The following PRKN variants were observed in gnomAD, a reference collection of about 807,000 sequenced individuals.
PRKN encodes the protein E3 ubiquitin-protein ligase parkin.
A neutral mutation model predicts 59.5 loss-of-function variants in PRKN; 56 were observed. The observed-to-expected ratio is 0.94, with a 90% CI of 0.76 to 1.18. PRKN has a LOEUF of 1.18. PRKN is among the 50% of genes most tolerant of loss of function. PRKN has a pLI of 0.00. For synonymous variants in PRKN, 250 were observed against 222.1 expected (o/e 1.13, Z -1.12); for missense variants, 657 against 596.4 (o/e 1.10, Z -1.06).
At chr6:162,457,851 T>C (rs112753683) in intron 1 of PRKN, among the ~76,000 whole-genome samples, 2,315 of 152,252 alleles carry the variant, frequency 0.015, 75 homozygotes, top group African/African-American at 0.053. Flanking sequence ...CCGGGCGTGG[T>C]GGCTCTCATC....
At chr6:162,052,864 T>C (rs1023579452) in intron 5 of PRKN, among the ~76,000 whole-genome samples, 1 of 152,170 alleles carries the variant, frequency 6.6e-6, no homozygotes, top group South Asian at 2.1e-4. Flanking sequence ...ATAACACATA[T>C]GTATATATGG....
chr6:161,835,080 T>C (rs1168424533), intron 6 of PRKN, among the ~76,000 whole-genome samples: 1 of 152,186 alleles, frequency 6.6e-6, no homozygotes, highest in Non-Finnish European at 1.5e-5. Context: ...TTTCACTAAT[T>C]CTTTCTCCCC....
intron 9 of PRKN, among the ~76,000 whole-genome samples, chr6:161,436,331 G>A (rs113563342): frequency 7.2e-6 from 1 of 139,720 alleles, no homozygotes; most frequent in Non-Finnish European, 1.5e-5. Context: ...AGGAGGAGGC[G>A]GGATGGGAGG....
chr6:161,579,520 G>C lies in PRKN; in HGVS notation c.872-10104C>G, dbSNP rs1283644127. 6.6e-6 allele frequency among the ~76,000 whole-genome samples: 1 copy of C among 152,196 alleles called. No individual in the cohort carries two copies. The highest frequency in any genetic ancestry group is 1.5e-5 in the Non-Finnish European group (1 of 68,044). On this transcript the variant is annotated intron_variant, in intron 7 of 11. Coordinates refer to ENST00000366898, the MANE Select transcript of PRKN (RefSeq NM_004562.3). The surrounding 1 kb of genome is among the most constrained non-coding windows in gnomAD (Gnocchi z 4.2). Reference sequence around the variant, plus strand: ...TATTTGTACCCTATACTTCGCCATAGAGTGTGCTCTGTAAACTGGCCTTCC... The same window carrying C: ...TATTTGTACCCTATACTTCGCCATACAGTGTGCTCTGTAAACTGGCCTTCC...
chr6:162,374,367 G>A (rs992431910), intron 2 of PRKN, among the ~76,000 whole-genome samples: 5 of 150,380 alleles, frequency 3.3e-5, no homozygotes, highest in Non-Finnish European at 7.4e-5. Context: ...TTGATTTTAG[G>A]AGATAAAACC....
In PRKN at chr6:161,566,783, C is replaced by T. The variant is rs563077073; in HGVS notation, c.933+2572G>A. 2.0e-5 allele frequency among the ~76,000 whole-genome samples: 3 copies of T among 152,266 alleles called. No homozygotes were observed. In the South Asian group the frequency reaches 6.2e-4, roughly 32 times the overall value. ...CTTTGTTTTGCTCTGTCCTCCTCCC[C>T]TCCCCTCCACCAGTCACACTTGTTT... On this transcript the variant is annotated intron_variant, in intron 8 of 11. Transcript: ENST00000366898. The surrounding 1 kb of genome is among the most constrained non-coding windows in gnomAD (Gnocchi z 4.1).
At chr6:161,665,003 G>T (rs992977384) in intron 7 of PRKN, among the ~76,000 whole-genome samples, 1 of 151,854 alleles carries the variant, frequency 6.6e-6, no homozygotes, top group African/African-American at 2.4e-5. Context: ...GGCCAGGCTG[G>T]TCTCGAACTC....
chr6:161,434,509 A>T (rs1340268320), intron 9 of PRKN, among the ~76,000 whole-genome samples: 1 of 152,182 alleles, frequency 6.6e-6, no homozygotes. Context: ...CCTCAGAACA[A>T]CATCCTCTCC....
At chr6:161,889,484 C>T (rs1416333232) in intron 6 of PRKN, among the ~76,000 whole-genome samples, 13 of 152,264 alleles carry the variant, frequency 8.5e-5, no homozygotes, top group Non-Finnish European at 1.6e-4. Flanking sequence ...ATAAAGGGAG[C>T]GCCTTAAAGG....
intron 2 of PRKN, among the ~76,000 whole-genome samples, chr6:162,314,684 G>A (rs1782671178): frequency 1.3e-5 from 2 of 152,212 alleles, no homozygotes; most frequent in South Asian, 4.2e-4. Context: ...AACTGACACT[G>A]AATTTTAGAT....
chr6:162,726,150 T>A (rs1779170106), intron 1 of PRKN, among the ~76,000 whole-genome samples: 1 of 152,230 alleles, frequency 6.6e-6, no homozygotes, highest in African/African-American at 2.4e-5. Context: ...TCATAACTTA[T>A]AACTGAGTAA....
In PRKN at chr6:161,915,438, T is replaced by C. The variant is rs189049498; in HGVS notation, c.734+57864A>G. 1.8e-4 allele frequency among the ~76,000 whole-genome samples: 28 copies of C among 152,308 alleles called. No homozygotes were observed. The East Asian group carries it at 5.4e-3, about 29-fold the overall frequency. On this transcript the variant is annotated intron_variant, in intron 6 of 11. Coordinates refer to ENST00000366898, the MANE Select transcript of PRKN (RefSeq NM_004562.3). Reference sequence around the variant, plus strand: ...CCTCACATCAAGACACTTACTTTGATACATTTTTAAAGGCTTGAAATCCAA... The same window carrying C: ...CCTCACATCAAGACACTTACTTTGACACATTTTTAAAGGCTTGAAATCCAA...
At chr6:162,018,108 G>T (rs931497726) in intron 5 of PRKN, among the ~76,000 whole-genome samples, 1 of 152,088 alleles carries the variant, frequency 6.6e-6, no homozygotes, top group Non-Finnish European at 1.5e-5. Context: ...CTCACTGCAA[G>T]CTCCACCTCC....
chr6:162,006,928 AC>A (rs887889895), intron 5 of PRKN, among the ~76,000 whole-genome samples: 1 of 116,250 alleles, frequency 8.6e-6, no homozygotes, highest in Non-Finnish European at 1.8e-5. Flanking sequence ...GTACTCTAGA[AC>A]TTAGAAGAGC....
At chr6:161,607,840 G>A (rs1338703980) in intron 7 of PRKN, among the ~76,000 whole-genome samples, 1 of 152,200 alleles carries the variant, frequency 6.6e-6, no homozygotes, top group Non-Finnish European at 1.5e-5. Flanking sequence ...AATGAGGAAG[G>A]CCTGAGCCAA....
intron 5 of PRKN, among the ~76,000 whole-genome samples, chr6:162,029,586 G>A (rs1301618367): frequency 6.6e-6 from 1 of 152,156 alleles, no homozygotes; most frequent in Non-Finnish European, 1.5e-5. Context: ...TTGCTCTGCT[G>A]AGCAAAGTTG....
At position 161,488,926 on chromosome 6, in the gene PRKN, C is replaced by A. The variant is rs186370804; in HGVS notation, c.1083+59928G>T. Among the ~76,000 whole-genome samples the A allele has an allele frequency of 2.0e-5, 3 of 152,250 alleles. No individual in the cohort carries two copies. Among genetic ancestry groups the A allele is most frequent in the Non-Finnish European group, 4.4e-5 (3 of 68,020 alleles). On this transcript the variant is annotated intron_variant, in intron 9 of 11. Coordinates refer to ENST00000366898, the MANE Select transcript of PRKN (RefSeq NM_004562.3). The surrounding 1 kb of genome is among the most constrained non-coding windows in gnomAD (Gnocchi z 4.5). ...AAGGCAATGGAAAATAGAACACAGA[C>A]CCTTGGAGATGAAGAGGTCACGATT...
At chr6:162,502,514 T>G (rs60813622) in intron 1 of PRKN, among the ~76,000 whole-genome samples, 26,004 of 152,028 alleles carry the variant, frequency 0.17, 2,375 homozygotes, top group Non-Finnish European at 0.19. Context: ...AAGGGCAGCA[T>G]TACAACAGGG....
intron 3 of PRKN, among the ~76,000 whole-genome samples, chr6:162,240,699 T>C (rs1254325873): frequency 1.3e-5 from 2 of 152,218 alleles, no homozygotes; most frequent in African/African-American, 4.8e-5. Flanking sequence ...CCTGTAGCTG[T>C]ATAATTGCGT....
Sources: gnomAD v4.1 joint callset for allele counts (sites outside exome capture counted in the v4.1 genomes callset) on GRCh38, gnomAD v4.1.1 for gene constraint, Gnocchi (gnomAD v3.1) non-coding constraint, MANE v1.5 for transcripts, NCBI Gene and HGNC (gene_info 2026-07-23, HGNC 2026-07-21) for gene names.